Variants in AKNA observed in about 807,000 individuals in gnomAD.
AKNA encodes the protein microtubule organization protein AKNA.
A neutral mutation model predicts 138.8 loss-of-function variants in AKNA; 67 were observed. The observed-to-expected ratio is 0.48, with a 90% CI of 0.40 to 0.59. The LOEUF (loss-of-function observed/expected upper bound fraction) is 0.59. Ranked by LOEUF, AKNA falls within the 20% of genes least tolerant of loss-of-function variation. The pLI is 0.00. For missense variants in AKNA, 1,813 were observed against 1,880.4 expected (o/e 0.96, Z 0.66); for synonymous variants, 737 against 754.4 (o/e 0.98, Z 0.38).
At chr9:114,369,984 G>A (rs981893125) in intron 4 of AKNA, among the ~76,000 whole-genome samples, 2 of 152,180 alleles carry the variant, frequency 1.3e-5, no homozygotes, top group African/African-American at 4.8e-5. Context: ...ACAGGCCCGT[G>A]GAAAAGCAAC....
rs1407028882 is a variant in AKNA, at chr9:114,355,963, G to C, written c.3020C>G (p.Pro1007Arg). The C allele has an allele frequency of 1.9e-6, 3 of 1,614,080 alleles. No individual in the cohort carries two copies. In the African/African-American group the frequency reaches 4.0e-5, roughly 22 times the overall value. The change falls in exon 14 of 22, where the codon CCC becomes CGC. Residue 1007 changes from proline (P) to arginine (R), a missense_variant. Physicochemically the swap from Pro to Arg is moderately radical, Grantham distance 103. Coordinates refer to ENST00000374088, the MANE Select transcript of AKNA (RefSeq NM_001317950.2). ...SPSGPLRQRA[P>R]NFSLERTLAA... ...CAGTGTCCGCTCCAGGCTGAAGTTG[G>C]GTGCCCTCTGCCGGAGAGGCCCACT...
At chr9:114,380,615 A>T (rs1271111346) in intron 2 of AKNA, among the ~76,000 whole-genome samples, 1 of 152,160 alleles carries the variant, frequency 6.6e-6, no homozygotes, top group Non-Finnish European at 1.5e-5. Context: ...TTAAATCTTT[A>T]AAAATTTTTA....
intron 4 of AKNA, among the ~76,000 whole-genome samples, chr9:114,369,017 T>C (rs2763183): frequency 0.033 from 5,013 of 152,314 alleles, 283 homozygotes; most frequent in African/African-American, 0.11. Context: ...ATATAACATA[T>C]AATTATTTCT....
At chr9:114,383,924 C>CT (rs1833858642) in intron 1 of AKNA, among the ~76,000 whole-genome samples, 1 of 152,182 alleles carries the variant, frequency 6.6e-6, no homozygotes, top group South Asian at 2.1e-4. Flanking sequence ...GTCTTCCTCT[C>CT]TACCCCCAAA....
At chr9:114,345,546 T>G (rs1830623415) in intron 18 of AKNA, 1 of 252,654 alleles carries the variant, frequency 4.0e-6, no homozygotes, top group Non-Finnish European at 7.7e-6. Context: ...CCACCCTGTA[T>G]GCTCCGAGCC....
chr9:114,336,817 A>T lies in AKNA; in HGVS notation c.*237T>A. On this transcript the variant is annotated 3_prime_UTR_variant, in exon 22 of 22. Transcript: ENST00000374088. The stretch of plus-strand genomic sequence containing the variant: ...GCCTGGACCGAAGGAGGCCTCGCTC[A>T]CAGCACCTCTGTGAGGGGACTGGTG... 2.2e-6 allele frequency: 1 copy of T among 447,796 alleles called. No homozygotes were observed. The highest frequency in any genetic ancestry group is 3.8e-6 in the Non-Finnish European group (1 of 262,030). 27.7% of individuals were successfully genotyped at this position (447,796 alleles called of 1,614,324 possible).
chr9:114,350,723 C>A lies in AKNA; in HGVS notation c.3221+136G>T, dbSNP rs1831049560. 5.2e-6 allele frequency: 5 copies of A among 968,766 alleles called. No individual in the cohort carries two copies. The Admixed American group carries it at 1.1e-4, about 21-fold the overall frequency. 60.0% of individuals were successfully genotyped at this position (968,766 alleles called of 1,614,324 possible). ...AAACGCTGGGAACTGGGAGGCAGGA[C>A]ACCTGGGTCCGTCTGCTCCTACCAC... On this transcript the variant is annotated intron_variant, in intron 15 of 21. Transcript: ENST00000374088.
chr9:114,367,972 A>G (rs933792272), intron 5 of AKNA, among the ~76,000 whole-genome samples: 10 of 152,240 alleles, frequency 6.6e-5, no homozygotes, highest in African/African-American at 1.4e-4. Context: ...GGGCTCTCAC[A>G]CAGGGAGACG....
At chr9:114,373,652 G>A (rs1028254920) in intron 4 of AKNA, among the ~76,000 whole-genome samples, 2 of 151,812 alleles carry the variant, frequency 1.3e-5, no homozygotes, top group Admixed American at 1.3e-4. Flanking sequence ...GCTGAGGCAG[G>A]AGGATCACTT....
intron 6 of AKNA, among the ~76,000 whole-genome samples, chr9:114,367,131 G>A (rs982560553): frequency 6.6e-6 from 1 of 152,158 alleles, no homozygotes; most frequent in Admixed American, 6.5e-5. Context: ...CCCTTGAGAA[G>A]TAACTAGGAA....
At chr9:114,355,861 G>C in intron 14 of AKNA, 64 bp downstream of exon 14, 1 of 1,528,242 alleles carries the variant, frequency 6.5e-7, no homozygotes, top group Non-Finnish European at 8.9e-7. Context: ...AAAGGGTTCT[G>C]CAAGTTTTTC....
chr9:114,348,276 G>A (rs1184971262), intron 15 of AKNA, among the ~76,000 whole-genome samples: 1 of 152,148 alleles, frequency 6.6e-6, no homozygotes, highest in Non-Finnish European at 1.5e-5. Context: ...TCTCTGTCCA[G>A]GCCCAGCTCC....
At chr9:114,360,206 G>T in intron 9 of AKNA, 144 bp from the exon 10 acceptor site, 1 of 957,910 alleles carries the variant, frequency 1.0e-6, no homozygotes, top group Non-Finnish European at 1.6e-6. Context: ...TTTTATGTAT[G>T]TGTAAACTAT....
At chr9:114,352,451 G>C (rs1466858015) in intron 14 of AKNA, among the ~76,000 whole-genome samples, 2 of 151,102 alleles carry the variant, frequency 1.3e-5, no homozygotes, top group African/African-American at 2.4e-5. Flanking sequence ...ACAAAAATTA[G>C]CTGGACGCAG....
chr9:114,359,974 T>A lies in AKNA; in HGVS notation c.2213A>T (p.Asp738Val). 6.2e-7 allele frequency: 1 copy of A among 1,614,194 alleles called. No individual in the cohort carries two copies. The highest frequency in any genetic ancestry group is 8.5e-7 in the Non-Finnish European group (1 of 1,180,028). ...EVSSGNSEVE[D>V]RPQDPLARLR... ...TCGGGCCAGGGGGTCCTGTGGCCTG[T>A]CCTCCACCTCACTGTTGCCAGAGCT... Residue 738 changes from aspartate (D) to valine (V), a missense_variant, in exon 10 of 22, where the codon GAC becomes GTC. By Grantham distance (152) the Asp-to-Val change is radical. Transcript: ENST00000374088.
chr9:114,346,049 T>TG, intron 17 of AKNA, 40 bp from the exon 18 acceptor site: 1 of 1,434,304 alleles, frequency 7.0e-7, no homozygotes, highest in Non-Finnish European at 9.8e-7. Flanking sequence ...GGGCAAGGGG[T>TG]GGGGGTCACA....
rs34055519 is a variant in AKNA at position 114,380,981 on chromosome 9, CAAAA to C, written c.274+75_274+78del. The C allele has an allele frequency of 5.3e-3, 5,764 of 1,094,942 alleles. 1 individual carries two copies. The highest frequency in any genetic ancestry group is 9.4e-3 in the South Asian group (438 of 46,542). 67.8% of individuals were successfully genotyped at this position (1,094,942 alleles called of 1,614,324 possible). ...CTGGCAATGAAGCAAGACTCTGTCT[CAAAA>C]AAAAAAAAAAAAAAAAGAACGTGTG... On this transcript the variant is annotated intron_variant, in intron 2 of 21. Transcript: ENST00000374088.
At position 114,359,704 on chromosome 9, in the gene AKNA, G is replaced by A; in HGVS notation, c.2382C>T (p.Asp794=). Residue 794 remains aspartate, a synonymous_variant, in exon 11 of 22, where the codon GAC becomes GAT. Coordinates refer to ENST00000374088, the MANE Select transcript of AKNA (RefSeq NM_001317950.2). Reference sequence around the variant, plus strand: ...CAGCCACCCCATCAACTTCCAGGGAGTCACCTCCCCCCTCTTCCTCCTCCT... The same window carrying A: ...CAGCCACCCCATCAACTTCCAGGGAATCACCTCCCCCCTCTTCCTCCTCCT... ...EEEEEEEGGG[D]SLEVDGVAAT... 1 of 1,611,998 alleles carries A rather than the reference G, an allele frequency of 6.2e-7. No individual in the cohort carries two copies. The highest frequency in any genetic ancestry group is 8.5e-7 in the Non-Finnish European group (1 of 1,178,824).
At chr9:114,362,817 C>G (rs1475361255) in intron 7 of AKNA, among the ~76,000 whole-genome samples, 1 of 152,196 alleles carries the variant, frequency 6.6e-6, no homozygotes, top group Non-Finnish European at 1.5e-5. Context: ...TTACAAGGAC[C>G]CCAATGTACC....
Sources: allele counts gnomAD v4.1 joint callset (sites outside exome capture counted in the v4.1 genomes callset), GRCh38; gene constraint gnomAD v4.1.1; transcripts MANE v1.5; gene names NCBI Gene and HGNC (gene_info 2026-07-23, HGNC 2026-07-21).